The following SLC24A1 variants were observed in gnomAD, a reference collection of about 807,000 sequenced individuals.
SLC24A1 encodes the protein solute carrier family 24 member 1.
Under a neutral mutation model 88.1 loss-of-function variants are expected in SLC24A1, and 52 were observed. That is an observed-to-expected ratio of 0.59 (90% confidence interval 0.47 to 0.74). The LOEUF (loss-of-function observed/expected upper bound fraction) is 0.74. SLC24A1 is among the 30% of genes least tolerant of loss of function. The pLI is 0.00. For missense variants in SLC24A1, 1,173 were observed against 1,363.3 expected (o/e 0.86, Z 2.20); for synonymous variants, 455 against 498.0 (o/e 0.91, Z 1.15).
rs894058608 is a variant in SLC24A1, at chr15:65,655,826, A to G, written c.*1747A>G. 2.1e-5 allele frequency: 21 copies of G among 984,766 alleles called. No homozygotes were observed. The African/African-American group carries it at 3.7e-4, about 17-fold the overall frequency. The allele number at this position is 984,766 out of a possible 1,614,324, so 61.0% of individuals were successfully genotyped here. A position where few individuals can be genotyped will look rare whatever the true frequency, so the allele number is the denominator to read the frequency against. On this transcript the variant is annotated 3_prime_UTR_variant, in exon 10 of 10. Transcript: ENST00000261892. ...TTCTCATTCTTTGGAAATAATTTTT[A>G]TTAAATTTCAATAAACTGTGAATCC...
intron 4 of SLC24A1, chr15:65,644,037 T>C (rs910368453): frequency 1.9e-5 from 4 of 214,040 alleles, no homozygotes; most frequent in South Asian, 8.9e-5. Flanking sequence ...CATGGTACTT[T>C]TCTACAAAGT....
At chr15:65,611,367 C>G (rs889134004), upstream of SLC24A1, 2 of 608,092 alleles carry the variant, frequency 3.3e-6, no homozygotes, top group Non-Finnish European at 2.9e-6. Context: ...CCCAACTTCT[C>G]TCGAGCCTTG....
chr15:65,616,288 C>G (rs956228930), intron 2 of SLC24A1, among the ~76,000 whole-genome samples: 2 of 152,106 alleles, frequency 1.3e-5, no homozygotes, highest in African/African-American at 4.8e-5. Flanking sequence ...CTTCTAGATC[C>G]TTGAGGAATC....
At position 65,655,010 on chromosome 15, in the gene SLC24A1, G is replaced by A. The variant is rs2141747846; in HGVS notation, c.*931G>A. 9.6e-7 allele frequency: 1 copy of A among 1,043,264 alleles called. No individual in the cohort carries two copies. The highest frequency in any genetic ancestry group is 1.0e-4 in the East Asian group (1 of 9,786). The allele number at this position is 1,043,264 out of a possible 1,614,324, so 64.6% of individuals were successfully genotyped here. On this transcript the variant is annotated 3_prime_UTR_variant, in exon 10 of 10. Coordinates refer to ENST00000261892, the MANE Select transcript of SLC24A1 (RefSeq NM_004727.3). ...AAATAAAAATTTATAATTTGCCCTT[G>A]AATTGGAAGGAATGGAGATTAGGGA...
upstream of SLC24A1, among the ~76,000 whole-genome samples, chr15:65,621,546 C>T (rs2074318895): frequency 6.6e-6 from 1 of 152,146 alleles, no homozygotes; most frequent in Non-Finnish European, 1.5e-5. Context: ...ATTATTATCC[C>T]CACATTTACT....
At chr15:65,613,772 C>G (rs1436187710) in intron 2 of SLC24A1, among the ~76,000 whole-genome samples, 1 of 151,974 alleles carries the variant, frequency 6.6e-6, no homozygotes, top group Non-Finnish European at 1.5e-5. Flanking sequence ...AGGCATGAGC[C>G]ACTACATTTG....
At chr15:65,633,212 G>A (rs1167494653) in intron 2 of SLC24A1, among the ~76,000 whole-genome samples, 7 of 152,184 alleles carry the variant, frequency 4.6e-5, no homozygotes, top group East Asian at 1.9e-4. Flanking sequence ...CTGGAAAGGC[G>A]GCTAGTCTGA....
At chr15:65,617,053 T>C (rs1014725559), upstream of SLC24A1, among the ~76,000 whole-genome samples, 17 of 152,226 alleles carry the variant, frequency 1.1e-4, no homozygotes, top group African/African-American at 4.1e-4. Context: ...GTGTTATTTC[T>C]GAGGCCTCTG....
chr15:65,627,647 T>G (rs2074564665), intron 2 of SLC24A1, among the ~76,000 whole-genome samples: 1 of 152,204 alleles, frequency 6.6e-6, no homozygotes, highest in Non-Finnish European at 1.5e-5. Context: ...TGCTAAGTTC[T>G]CAGGGGTGGC....
At position 65,651,865 on chromosome 15, in the gene SLC24A1, G is replaced by T. The variant is rs547601318; in HGVS notation, c.2883+106G>T. ...GGAATCTCGAGGATCAAGTGAATTC[G>T]TGCAGTTTCTATGTTGTTTGTAAAG... On this transcript the variant is annotated intron_variant, in intron 8 of 9. Transcript: ENST00000261892. The T allele has an allele frequency of 1.5e-5, 11 of 714,572 alleles. No homozygotes were observed. The South Asian group carries it at 1.6e-4, about 11-fold the overall frequency. The allele number at this position is 714,572 out of a possible 1,614,324, so 44.3% of individuals were successfully genotyped here.
intron 6 of SLC24A1, among the ~76,000 whole-genome samples, chr15:65,647,027 C>T (rs1213751366): frequency 6.6e-6 from 1 of 152,214 alleles, no homozygotes; most frequent in Non-Finnish European, 1.5e-5. Context: ...CCATGTCCTG[C>T]TCTCCCTCAC....
Position 65,625,392 on chromosome 15 carries a change from G to A in SLC24A1, c.1312G>A (p.Gly438Arg). The A allele has an allele frequency of 6.2e-7, 1 of 1,614,020 alleles. No individual in the cohort carries two copies. Among genetic ancestry groups the A allele is most frequent in the Non-Finnish European group, 8.5e-7 (1 of 1,179,894 alleles). Residue 438 changes from glycine to arginine, a missense_variant, in exon 2 of 10, where the codon GGA becomes AGA. Physicochemically the swap from Gly to Arg is moderately radical, Grantham distance 125. Coordinates refer to ENST00000261892, the MANE Select transcript of SLC24A1 (RefSeq NM_004727.3). Reference sequence around the variant, plus strand: ...CAGCTTGCCAGACCTCCACCCCAAGGGAGAGTACCCCCCAGATCTGTTCAG... The same window carrying A: ...CAGCTTGCCAGACCTCCACCCCAAGAGAGAGTACCCCCCAGATCTGTTCAG... ...PPSLPDLHPK[G>R]EYPPDLFSVE...
intron 4 of SLC24A1, among the ~76,000 whole-genome samples, chr15:65,643,396 T>C (rs2075196312): frequency 6.6e-6 from 1 of 152,188 alleles, no homozygotes; most frequent in Non-Finnish European, 1.5e-5. Flanking sequence ...CGGTATTGCC[T>C]TTTTAGAGAG....
At chr15:65,621,045 C>T (rs2074301820), upstream of SLC24A1, among the ~76,000 whole-genome samples, 1 of 152,180 alleles carries the variant, frequency 6.6e-6, no homozygotes, top group Admixed American at 6.5e-5. Flanking sequence ...GCAGAGGGAG[C>T]TCGTGACCTT....
At chr15:65,631,803 C>T (rs1301976529) in intron 2 of SLC24A1, among the ~76,000 whole-genome samples, 1 of 152,080 alleles carries the variant, frequency 6.6e-6, no homozygotes, top group African/African-American at 2.4e-5. Flanking sequence ...CCATGCAGGG[C>T]CCTGTGCATC....
chr15:65,612,066 G>C (rs1296359308), intron 1 of SLC24A1: 1 of 152,390 alleles, frequency 6.6e-6, no homozygotes, highest in Non-Finnish European at 1.5e-5. Flanking sequence ...TGCGTGCTCA[G>C]ATTTCCCTGT....
Position 65,650,744 on chromosome 15 carries a change from G to A in SLC24A1, c.2595G>A (p.Glu865=). The A allele has an allele frequency of 6.3e-7, 1 of 1,596,812 alleles. No homozygotes were observed. The highest frequency in any genetic ancestry group is 8.5e-7 in the Non-Finnish European group (1 of 1,171,878). ...GGGATAGCGAAGAGGAGGAAGAGGA[G>A]GAGGAAGAGCAGGAGGAAGAGGAGG... ...DGGDSEEEEE[E]EEEQEEEEEE... The change falls in exon 7 of 10, where the codon GAG becomes GAA. Residue 865 remains glutamate, a synonymous_variant. Coordinates refer to ENST00000261892, the MANE Select transcript of SLC24A1 (RefSeq NM_004727.3). This position sits in a 1 kb window ranked among gnomAD's most constrained non-coding sequence, Gnocchi z 4.1.
chr15:65,638,621 G>A (rs1048813571), intron 3 of SLC24A1, among the ~76,000 whole-genome samples: 1 of 152,188 alleles, frequency 6.6e-6, no homozygotes, highest in Non-Finnish European at 1.5e-5. Context: ...GGAGTCTGAG[G>A]TTTCTGAAAA....
At chr15:65,647,889 TA>T (rs200945843) in intron 6 of SLC24A1, among the ~76,000 whole-genome samples, 9,545 of 151,960 alleles carry the variant, frequency 0.063, 318 homozygotes, top group African/African-American at 0.091. Context: ...TTTGGGGAAG[TA>T]AAAAAAATGA....
Sources: allele counts gnomAD v4.1 joint callset (sites outside exome capture counted in the v4.1 genomes callset), GRCh38; gene constraint gnomAD v4.1.1; non-coding constraint Gnocchi (gnomAD v3.1); transcripts MANE v1.5; gene names NCBI Gene and HGNC (gene_info 2026-07-23, HGNC 2026-07-21).